AFP: variants seen among roughly 807,000 people sequenced by gnomAD.
AFP encodes alpha-fetoprotein.
A neutral mutation model predicts 78.9 loss-of-function variants in AFP; 64 were observed. That is an observed-to-expected ratio of 0.81 (90% CI 0.66 to 1.00). AFP has a LOEUF of 1.00. Ranked by LOEUF, AFP falls within the 50% of genes least tolerant of loss-of-function variation. AFP has a pLI of 0.00. For synonymous variants in AFP, 254 were observed against 243.8 expected (o/e 1.04, Z -0.39); for missense variants, 689 against 703.8 (o/e 0.98, Z 0.24).
At chr4:73,443,712 A>G (rs1020006978) in intron 6 of AFP, among the ~76,000 whole-genome samples, 1 of 152,180 alleles carries the variant, frequency 6.6e-6, no homozygotes, top group Non-Finnish European at 1.5e-5. Context: ...TCTTTAAGAC[A>G]CTTAAGTTCT....
At chr4:73,439,861 T>C (rs1719610366) in intron 3 of AFP, among the ~76,000 whole-genome samples, 1 of 152,146 alleles carries the variant, frequency 6.6e-6, no homozygotes. Context: ...TAATATGCAG[T>C]TTTTTATTGT....
intron 3 of AFP, 127 bp downstream of exon 3, chr4:73,438,433 T>C (rs894517910): frequency 5.5e-6 from 6 of 1,084,168 alleles, no homozygotes; most frequent in Non-Finnish European, 8.0e-6. Context: ...GAAAGAGGGA[T>C]TAGATTCATT....
chr4:73,452,958 A>G (rs562587800), intron 12 of AFP, among the ~76,000 whole-genome samples: 2 of 152,342 alleles, frequency 1.3e-5, no homozygotes, highest in African/African-American at 2.4e-5. Context: ...GGGTACTTCC[A>G]TTCCAAGCAC....
At chr4:73,450,782 T>G in intron 11 of AFP, 29 bp downstream of exon 11, 1 of 1,613,364 alleles carries the variant, frequency 6.2e-7, no homozygotes, top group Non-Finnish European at 8.5e-7. Flanking sequence ...TGGTCCCATC[T>G]CATTTCTGCC....
At chr4:73,443,261 T>C in intron 5 of AFP, 86 bp from the exon 6 acceptor site, 2 of 996,164 alleles carry the variant, frequency 2.0e-6, no homozygotes, top group Non-Finnish European at 3.2e-6. Flanking sequence ...TCATTTTACC[T>C]ATACTTGTTG....
chr4:73,449,931 ATC>A (rs1434079700), intron 9 of AFP, 103 bp from the exon 10 acceptor site: 2 of 732,736 alleles, frequency 2.7e-6, no homozygotes, highest in African/African-American at 3.6e-5. Context: ...ATATTTAAAC[ATC>A]TCTGATTGGT....
chr4:73,448,767 T>C (rs1260959835), intron 8 of AFP, among the ~76,000 whole-genome samples: 1 of 152,200 alleles, frequency 6.6e-6, no homozygotes, highest in Non-Finnish European at 1.5e-5. Flanking sequence ...GATATTTGCA[T>C]GGCTTCTTTC....
At chr4:73,438,135 G>T (rs1719560423) in intron 2 of AFP, 39 bp from the exon 3 acceptor site, 1 of 1,611,860 alleles carries the variant, frequency 6.2e-7, no homozygotes, top group Non-Finnish European at 8.5e-7. Flanking sequence ...GCTTGCTGCA[G>T]GTCTGTTCCT....
chr4:73,437,701 C>T (rs1040211606), intron 2 of AFP, among the ~76,000 whole-genome samples: 1 of 152,020 alleles, frequency 6.6e-6, no homozygotes, highest in Non-Finnish European at 1.5e-5. Context: ...GTTGCTGTTA[C>T]TCCTTGCACA....
chr4:73,453,645 T>C, intron 12 of AFP, 120 bp from the exon 13 acceptor site: 1 of 1,155,048 alleles, frequency 8.7e-7, no homozygotes, highest in Non-Finnish European at 1.3e-6. Flanking sequence ...GTGTGGTCAG[T>C]CTGGTGATAG....
At chr4:73,439,537 T>C (rs1478918519) in intron 3 of AFP, among the ~76,000 whole-genome samples, 1 of 152,228 alleles carries the variant, frequency 6.6e-6, no homozygotes, top group Non-Finnish European at 1.5e-5. Context: ...TTCTTGTAAA[T>C]TCAAAGGTAT....
At chr4:73,448,166 A>G (rs1163641800) in intron 8 of AFP, among the ~76,000 whole-genome samples, 1 of 152,162 alleles carries the variant, frequency 6.6e-6, no homozygotes, top group Non-Finnish European at 1.5e-5. Flanking sequence ...TGTATTAAAT[A>G]CATGTTTTGT....
chr4:73,442,190 T>C (rs1719690037), intron 4 of AFP, 106 bp from the exon 5 acceptor site: 1 of 1,114,542 alleles, frequency 9.0e-7, no homozygotes, highest in Non-Finnish European at 1.3e-6. Context: ...TGCATTTTGT[T>C]GTTGTTGTTT....
chr4:73,455,218 T>A lies in AFP; in HGVS notation c.1786-18T>A. On this transcript the variant is annotated intron_variant, in intron 13 of 14. Coordinates refer to ENST00000395792, the MANE Select transcript of AFP (RefSeq NM_001134.3). ...TAATCCATTTCTTTATCTGATTATG[T>A]TTATTCTTAATTTTCAGGGACAAAA... 6.3e-7 allele frequency: 1 copy of A among 1,595,122 alleles called. No homozygotes were observed. The highest frequency in any genetic ancestry group is 8.6e-7 in the Non-Finnish European group (1 of 1,163,202).
rs377328925 is a variant in AFP, at chr4:73,442,456, C to T, written c.615+28C>T. The T allele has an allele frequency of 3.3e-5, 53 of 1,612,676 alleles. No individual in the cohort carries two copies. In the African/African-American group the frequency reaches 5.1e-4, roughly 15 times the overall value. On this transcript the variant is annotated intron_variant, in intron 5 of 14. Transcript: ENST00000395792. The stretch of plus-strand genomic sequence containing the variant: ...ATCATATTTGCGTGGATATCTGAAC[C>T]AGTACTGTAGTCTATGACTCATTAA...
chr4:73,447,568 C>T lies in AFP; in HGVS notation c.950C>T (p.Ala317Val). The T allele has an allele frequency of 1.2e-6, 2 of 1,612,528 alleles. No individual in the cohort carries two copies. Among genetic ancestry groups the T allele is most frequent in the Non-Finnish European group, 1.7e-6 (2 of 1,179,562 alleles). The change falls in exon 8 of 15, where the codon GCA (alanine) becomes GTA (valine). Residue 317 changes from alanine to valine, a missense_variant. By Grantham distance (64) the Ala-to-Val change is moderately conservative (BLOSUM62 0). Transcript: ENST00000395792. ...GAACGTGGTCAATGTATAATTCATG[C>T]AGAAAATGATGAAAAACCTGAAGGT... ...TLERGQCIIH[A>V]ENDEKPEGLS...
intron 4 of AFP, among the ~76,000 whole-genome samples, chr4:73,441,857 C>T (rs1719677702): frequency 6.6e-6 from 1 of 152,146 alleles, no homozygotes; most frequent in South Asian, 2.1e-4. Flanking sequence ...GAGAGATTGC[C>T]CTTAGAACAT....
intron 9 of AFP, 129 bp downstream of exon 9, chr4:73,449,596 T>G (rs913389755): frequency 8.7e-7 from 1 of 1,145,692 alleles, no homozygotes; most frequent in Non-Finnish European, 1.3e-6. Flanking sequence ...TGTCTAGATA[T>G]TAAGCTGTTA....
chr4:73,440,890 G>A (rs1719641537), intron 4 of AFP, 77 bp downstream of exon 4: 2 of 1,260,722 alleles, frequency 1.6e-6, no homozygotes, highest in Non-Finnish European at 1.1e-6. Flanking sequence ...TTTTTGCAAT[G>A]TACTCATGTA....
Sources: gnomAD v4.1 joint callset for allele counts (sites outside exome capture counted in the v4.1 genomes callset) on GRCh38, gnomAD v4.1.1 for gene constraint, MANE v1.5 for transcripts, NCBI Gene and HGNC (gene_info 2026-07-23, HGNC 2026-07-21) for gene names.